HEATR5A: variants seen among roughly 807,000 people sequenced by gnomAD.
HEATR5A encodes HEAT repeat containing 5A.
Under a neutral mutation model 218.8 loss-of-function variants are expected in HEATR5A, and 178 were observed. The observed-to-expected ratio is 0.81, with a 90% CI of 0.72 to 0.92. HEATR5A has a LOEUF of 0.92. HEATR5A is among the 40% of genes least tolerant of loss of function. The pLI, the probability that HEATR5A is intolerant of heterozygous loss-of-function variation, is 0.00. For missense variants in HEATR5A, 2,420 were observed against 2,418.9 expected, an observed-to-expected ratio of 1.00 and a Z score of -0.01; for synonymous variants, 864 against 871.6, an observed-to-expected ratio of 0.99 and a Z score of 0.15.
intron 10 of HEATR5A, among the ~76,000 whole-genome samples, chr14:31,382,689 T>C (rs2030044457): frequency 6.6e-6 from 1 of 151,750 alleles, no homozygotes; most frequent in South Asian, 2.1e-4. Context: ...TGTCTGATTC[T>C]AAATTTACTC....
At chr14:31,398,139 G>A (rs2030730396) in intron 4 of HEATR5A, among the ~76,000 whole-genome samples, 1 of 152,126 alleles carries the variant, frequency 6.6e-6, no homozygotes, top group Non-Finnish European at 1.5e-5. Context: ...GTGTTCCAGA[G>A]GAGTAAGTGA....
intron 22 of HEATR5A, among the ~76,000 whole-genome samples, chr14:31,333,185 C>A (rs1380115681): frequency 6.6e-6 from 1 of 152,040 alleles, no homozygotes; most frequent in African/African-American, 2.4e-5. Flanking sequence ...AGCAGCAAAT[C>A]CTGATATAGA....
At chr14:31,360,387 T>A (rs899085540) in intron 14 of HEATR5A, among the ~76,000 whole-genome samples, 1 of 152,220 alleles carries the variant, frequency 6.6e-6, no homozygotes, top group African/African-American at 2.4e-5. Flanking sequence ...ACGGGGCTCA[T>A]TTTTGCTTTT....
rs532397424 is a variant in HEATR5A at position 31,337,498 on chromosome 14, A to G, written c.3345T>C (p.Asp1115=). The G allele has an allele frequency of 3.2e-6, 5 of 1,553,866 alleles. No homozygotes were observed. The South Asian group carries it at 5.9e-5, about 18-fold the overall frequency. The change falls in exon 22 of 36, where the codon GAT becomes GAC. Residue 1115 remains aspartate (D), a synonymous_variant. Transcript: ENST00000543095. ...VSEHAVMLAK[D]SREELTPDAN... ...TACCTGGAGTCAACTCTTCTCTGCT[A>G]TCCTTAGCAAGCATAACAGCATGTT...
At chr14:31,322,758 A>G (rs1900147669) in intron 24 of HEATR5A, among the ~76,000 whole-genome samples, 1 of 151,196 alleles carries the variant, frequency 6.6e-6, no homozygotes, top group Non-Finnish European at 1.5e-5. Flanking sequence ...GGTTGAGGTT[A>G]CAGTGAGCTG....
At chr14:31,382,077 A>C (rs2030012925) in intron 10 of HEATR5A, among the ~76,000 whole-genome samples, 1 of 152,216 alleles carries the variant, frequency 6.6e-6, no homozygotes, top group Non-Finnish European at 1.5e-5. Context: ...AAAACAAACC[A>C]TTCTAGTCAA....
intron 1 of HEATR5A, among the ~76,000 whole-genome samples, chr14:31,410,147 T>C (rs572897157): frequency 1.3e-5 from 2 of 152,326 alleles, no homozygotes; most frequent in South Asian, 4.1e-4. Context: ...TTCCAGAATG[T>C]ATCAAGTACC....
intron 14 of HEATR5A, among the ~76,000 whole-genome samples, chr14:31,362,236 T>C (rs1901643192): frequency 6.6e-6 from 1 of 152,106 alleles, no homozygotes; most frequent in South Asian, 2.1e-4. Flanking sequence ...CCCAATGTGC[T>C]GGGATTATAG....
Position 31,318,244 on chromosome 14 carries a change from C to G in HEATR5A, c.4018G>C (p.Val1340Leu). The part of the protein sequence containing the change: ...PAFTSETPPD[V>L]TAKACQVCSA... ...TTTACCTGACATGCTTTGGCAGTGACATCAGGTGGTGTCTCTGAAGTGAAG... is the reference window on the plus strand; with the variant it reads ...TTTACCTGACATGCTTTGGCAGTGAGATCAGGTGGTGTCTCTGAAGTGAAG... The change falls in exon 26 of 36, where the codon GTC becomes CTC. Residue 1340 changes from valine (V) to leucine (L), a missense_variant. Val to Leu is a conservative substitution (Grantham distance 32, BLOSUM62 1). Transcript: ENST00000543095. 6.2e-7 allele frequency: 1 copy of G among 1,613,858 alleles called. No homozygotes were observed. Among genetic ancestry groups the G allele is most frequent in the Non-Finnish European group, 8.5e-7 (1 of 1,179,752 alleles).
At chr14:31,343,456 A>G (rs1900909859) in intron 21 of HEATR5A, among the ~76,000 whole-genome samples, 1 of 152,172 alleles carries the variant, frequency 6.6e-6, no homozygotes, top group African/African-American at 2.4e-5. Context: ...AGTAGATACA[A>G]TATTAGAAGC....
chr14:31,320,794 T>C (rs1900074175), intron 25 of HEATR5A, among the ~76,000 whole-genome samples: 1 of 152,174 alleles, frequency 6.6e-6, no homozygotes, highest in Non-Finnish European at 1.5e-5. Flanking sequence ...CTCCCTATGA[T>C]GCCCAGACTG....
intron 16 of HEATR5A, among the ~76,000 whole-genome samples, chr14:31,351,273 C>T (rs1901217706): frequency 6.6e-6 from 1 of 152,114 alleles, no homozygotes; most frequent in South Asian, 2.1e-4. Flanking sequence ...AGGAAGACTG[C>T]TTGAAGCTAG....
At position 31,305,032 on chromosome 14, in the gene HEATR5A, G is replaced by A. The variant is rs1167683936; in HGVS notation, c.5112C>T (p.Asn1704=). Residue 1704 remains asparagine, a synonymous_variant, in exon 32 of 36, where the codon AAC becomes AAT. Coordinates refer to ENST00000543095, the MANE Select transcript of HEATR5A (RefSeq NM_015473.4). ...CILVRQLPEL[N]PKLTGSPGVK... ...CTCCTGGGCTACCTGTCAATTTAGG[G>A]TTTAATTCTGGGAGCTGTCTAACTA... The A allele has an allele frequency of 1.9e-6, 3 of 1,613,892 alleles. No homozygotes were observed. The highest frequency in any genetic ancestry group is 1.7e-6 in the Non-Finnish European group (2 of 1,179,876).
chr14:31,360,653 C>T (rs1414120079), intron 14 of HEATR5A, among the ~76,000 whole-genome samples: 2 of 152,026 alleles, frequency 1.3e-5, no homozygotes, highest in Non-Finnish European at 2.9e-5. Context: ...AGTAAAAATT[C>T]CCTTAGAAAA....
intron 23 of HEATR5A, chr14:31,325,870 C>T: frequency 2.6e-6 from 1 of 383,922 alleles, no homozygotes; most frequent in East Asian, 5.9e-5. Flanking sequence ...TACATCAAGT[C>T]ACACCTTTTA....
intron 31 of HEATR5A, 56 bp from the exon 32 acceptor site, chr14:31,305,233 C>T (rs1001773739): frequency 4.5e-6 from 7 of 1,540,122 alleles, no homozygotes; most frequent in Middle Eastern, 1.7e-4. Flanking sequence ...TGGTAGATGG[C>T]AATTTAGTTA....
intron 34 of HEATR5A, chr14:31,295,629 T>G (rs1309371446): frequency 4.9e-6 from 1 of 202,164 alleles, no homozygotes; most frequent in Non-Finnish European, 9.9e-6. Flanking sequence ...TAAAAGTCCC[T>G]TATAAAGTTC....
intron 4 of HEATR5A, 23 bp downstream of exon 4, chr14:31,398,650 T>C: frequency 2.4e-6 from 3 of 1,266,184 alleles, no homozygotes; most frequent in East Asian, 5.1e-5. Context: ...TTTCATTCTT[T>C]GGCTGAACTT....
chr14:31,298,232 A>G (rs1668709594), intron 33 of HEATR5A, among the ~76,000 whole-genome samples: 1 of 151,484 alleles, frequency 6.6e-6, no homozygotes, highest in Non-Finnish European at 1.5e-5. Context: ...AAACTGTCAG[A>G]TAATATAATA....
Sources: allele counts gnomAD v4.1 joint callset (sites outside exome capture counted in the v4.1 genomes callset), GRCh38; gene constraint gnomAD v4.1.1; transcripts MANE v1.5; gene names NCBI Gene and HGNC (gene_info 2026-07-23, HGNC 2026-07-21).